SUMF1: variants seen among roughly 807,000 people sequenced by gnomAD.
SUMF1 encodes sulfatase modifying factor 1.
SUMF1 carries 48 observed loss-of-function variants against 47.6 expected under a neutral mutation model. The observed-to-expected ratio is 1.01, with a 90% CI of 0.80 to 1.28. The LOEUF (loss-of-function observed/expected upper bound fraction) is 1.28, where lower values mean the gene tolerates loss of function less well. Among genes scored for constraint, SUMF1 ranks in the 50% most tolerant of loss-of-function variants. The pLI is 0.00. For synonymous variants in SUMF1, 230 were observed against 192.1 expected, an observed-to-expected ratio of 1.20 and a Z score of -1.63; for missense variants, 571 against 485.4, an observed-to-expected ratio of 1.18 and a Z score of -1.66.
At chr3:4,268,052 A>G (rs1474657153) in intron 8 of SUMF1, among the ~76,000 whole-genome samples, 1 of 152,212 alleles carries the variant, frequency 6.6e-6, no homozygotes, top group Non-Finnish European at 1.5e-5. Flanking sequence ...AATACTATGC[A>G]GCCATAAAAA....
intron 8 of SUMF1, among the ~76,000 whole-genome samples, chr3:4,113,430 G>A (rs1300636744): frequency 6.6e-6 from 1 of 151,948 alleles, no homozygotes; most frequent in Non-Finnish European, 1.5e-5. Context: ...GTGGGGGGCT[G>A]AGGCAGGAGG....
At chr3:4,448,842 C>G (rs1471331071) in intron 3 of SUMF1, among the ~76,000 whole-genome samples, 2 of 152,190 alleles carry the variant, frequency 1.3e-5, no homozygotes, top group Non-Finnish European at 2.9e-5. Context: ...CTACTCTGAT[C>G]CCATGAATTC....
intron 8 of SUMF1, among the ~76,000 whole-genome samples, chr3:4,156,725 A>G (rs1694459744): frequency 6.6e-6 from 1 of 151,712 alleles, no homozygotes; most frequent in Non-Finnish European, 1.5e-5. Flanking sequence ...AATTTAATAG[A>G]CTATAGAAAA....
At chr3:4,353,334 A>C (rs200269327) in intron 8 of SUMF1, among the ~76,000 whole-genome samples, 2 of 151,834 alleles carry the variant, frequency 1.3e-5, no homozygotes, top group East Asian at 1.9e-4. Context: ...CTCACTGCAA[A>C]CTCCGCCTCC....
At chr3:4,051,480 C>T (rs1168591508) in intron 9 of SUMF1, among the ~76,000 whole-genome samples, 2 of 152,144 alleles carry the variant, frequency 1.3e-5, no homozygotes, top group East Asian at 1.9e-4. Context: ...AAAAAAATCC[C>T]CAAATTAAAT....
rs992721657 is a variant in SUMF1, at chr3:4,168,615, C to T, written c.1015-99870G>A. On this transcript the variant is annotated intron_variant and NMD_transcript_variant, in intron 8 of 12. Coordinates refer to the SUMF1 transcript ENST00000448413. ...ACTTTTATGTGTACATATTACATTT[C>T]AATTCAAAAAGTTTTTTTAATGAGT... Among the ~76,000 whole-genome samples, 14 of 152,208 alleles carry T rather than the reference C, an allele frequency of 9.2e-5. No individual in the cohort carries two copies. The East Asian group carries it at 2.7e-3, about 29-fold the overall frequency.
intron 8 of SUMF1, among the ~76,000 whole-genome samples, chr3:4,114,894 T>C (rs1693386537): frequency 6.6e-6 from 1 of 152,056 alleles, no homozygotes; most frequent in Non-Finnish European, 1.5e-5. Context: ...AAATATCTAG[T>C]CCTTGTGATA....
At chr3:4,404,061 G>A (rs1319170908) in intron 7 of SUMF1, among the ~76,000 whole-genome samples, 5 of 152,220 alleles carry the variant, frequency 3.3e-5, no homozygotes, top group Non-Finnish European at 7.3e-5. Flanking sequence ...AGAAGCATAT[G>A]TCTGGATAAC....
chr3:4,198,430 C>T lies in SUMF1; in HGVS notation c.1015-129685G>A, dbSNP rs1271869284. On this transcript the variant is annotated intron_variant and NMD_transcript_variant, in intron 8 of 12. Coordinates refer to the SUMF1 transcript ENST00000448413. ...AACAGTCTCAGTTTGAAAGTAGATA[C>T]TCCTTCCTCCCAGCCCCAAGTTGAC... Among the ~76,000 whole-genome samples, 3 of 152,134 alleles carry T rather than the reference C, an allele frequency of 2.0e-5. No individual in the cohort carries two copies. In the South Asian group the frequency reaches 6.2e-4, roughly 32 times the overall value.
chr3:4,077,278 C>G (rs1306201551), intron 8 of SUMF1, among the ~76,000 whole-genome samples: 1 of 152,042 alleles, frequency 6.6e-6, no homozygotes, highest in Non-Finnish European at 1.5e-5. Context: ...ACTAGAAATA[C>G]CATTTGACCC....
At chr3:4,143,386 C>T (rs1694117919) in intron 8 of SUMF1, among the ~76,000 whole-genome samples, 1 of 151,924 alleles carries the variant, frequency 6.6e-6, no homozygotes, top group Admixed American at 6.6e-5. Flanking sequence ...GTCAAGTGTA[C>T]CTTGCAAGAA....
At chr3:4,111,298 T>C (rs184357008) in intron 8 of SUMF1, among the ~76,000 whole-genome samples, 2 of 152,100 alleles carry the variant, frequency 1.3e-5, no homozygotes, top group South Asian at 4.1e-4. Flanking sequence ...AAGGTCCACA[T>C]GGAAGTGGAC....
intron 8 of SUMF1, among the ~76,000 whole-genome samples, chr3:4,135,405 C>CT (rs759565045): frequency 2.6e-5 from 4 of 152,178 alleles, no homozygotes; most frequent in Non-Finnish European, 5.9e-5. Flanking sequence ...CAGAAAAGGC[C>CT]TTTGACAAAA....
At chr3:4,077,858 TAATTTA>T (rs1383967369) in intron 8 of SUMF1, among the ~76,000 whole-genome samples, 3 of 152,162 alleles carry the variant, frequency 2.0e-5, no homozygotes, top group Non-Finnish European at 4.4e-5. Context: ...TTCATGCTAA[TAATTTA>T]AATTTAAATT....
intron 9 of SUMF1, among the ~76,000 whole-genome samples, chr3:4,050,053 A>C (rs1468268208): frequency 2.0e-5 from 3 of 150,688 alleles, no homozygotes; most frequent in Non-Finnish European, 3.0e-5. Flanking sequence ...CCACTTGTCT[A>C]CTCTTCTCCT....
At chr3:4,433,253 T>C (rs763827404) in intron 3 of SUMF1, among the ~76,000 whole-genome samples, 4 of 152,150 alleles carry the variant, frequency 2.6e-5, no homozygotes, top group Non-Finnish European at 5.9e-5. Context: ...AACCAAGACA[T>C]GAAAAGAAAT....
At chr3:4,416,605 C>T (rs953665566) in intron 6 of SUMF1, among the ~76,000 whole-genome samples, 1 of 152,222 alleles carries the variant, frequency 6.6e-6, no homozygotes, top group Non-Finnish European at 1.5e-5. Flanking sequence ...TGCCGCTTTC[C>T]AGCTGTGTAA....
At chr3:4,311,345 C>T (rs1255109081) in intron 8 of SUMF1, among the ~76,000 whole-genome samples, 1 of 152,202 alleles carries the variant, frequency 6.6e-6, no homozygotes, top group Non-Finnish European at 1.5e-5. Context: ...GACTGGAAGA[C>T]GTGGTGCAAA....
intron 8 of SUMF1, among the ~76,000 whole-genome samples, chr3:4,309,347 C>G (rs141868170): frequency 7.0e-4 from 107 of 152,244 alleles, no homozygotes; most frequent in African/African-American, 2.4e-3. Context: ...TTGGAATGCC[C>G]TTGCTGAGAG....
Sources: gnomAD v4.1 joint callset for allele counts (sites outside exome capture counted in the v4.1 genomes callset) on GRCh38, gnomAD v4.1.1 for gene constraint, MANE v1.5 for transcripts, NCBI Gene and HGNC (gene_info 2026-07-23, HGNC 2026-07-21) for gene names.